Variants in SGK3 observed in about 807,000 individuals in gnomAD.
SGK3 encodes the protein serum/glucocorticoid regulated kinase family member 3.
SGK3 carries 47 observed loss-of-function variants against 68.5 expected under a neutral mutation model. The ratio of observed to expected loss-of-function variants is 0.69; its 90% CI spans 0.54 to 0.87. The LOEUF (loss-of-function observed/expected upper bound fraction) is 0.87, where lower values mean the gene tolerates loss of function less well. Among genes scored for constraint, SGK3 ranks in the 40% least tolerant of loss-of-function variants. The pLI, the probability that SGK3 is intolerant of heterozygous loss-of-function variation, is 0.00. For missense variants in SGK3, 479 were observed against 575.5 expected (o/e 0.83, Z 1.72); for synonymous variants, 181 against 189.1 (o/e 0.96, Z 0.35).
intron 1 of SGK3, among the ~76,000 whole-genome samples, chr8:66,761,764 C>T (rs1189316668): frequency 6.6e-6 from 1 of 151,134 alleles, no homozygotes; most frequent in Non-Finnish European, 1.5e-5. Context: ...GTGAGACTCT[C>T]TCTAAAAAAA....
chr8:66,776,720 T>G (rs1483512878), intron 1 of SGK3, among the ~76,000 whole-genome samples: 2 of 152,242 alleles, frequency 1.3e-5, no homozygotes, highest in Non-Finnish European at 2.9e-5. Flanking sequence ...ATGGCTTTCC[T>G]TTCCAGCACT....
intron 3 of SGK3, among the ~76,000 whole-genome samples, chr8:66,804,133 C>T (rs964457844): frequency 4.6e-5 from 7 of 152,000 alleles, no homozygotes; most frequent in Non-Finnish European, 7.4e-5. Flanking sequence ...GAAAATGAGA[C>T]GCAGATGTTG....
At chr8:66,784,443 A>T (rs1807116523) in intron 1 of SGK3, among the ~76,000 whole-genome samples, 1 of 152,136 alleles carries the variant, frequency 6.6e-6, no homozygotes, top group Non-Finnish European at 1.5e-5. Context: ...ATGGGAAGTG[A>T]TACTTATGAG....
chr8:66,735,199 G>GA (rs1184529078), intron 1 of SGK3, among the ~76,000 whole-genome samples: 1 of 152,206 alleles, frequency 6.6e-6, no homozygotes, highest in East Asian at 1.9e-4. Flanking sequence ...AATGTATCCT[G>GA]AGGATAAGTG....
At chr8:66,852,297 T>C (rs1810325195) in intron 16 of SGK3, among the ~76,000 whole-genome samples, 1 of 147,308 alleles carries the variant, frequency 6.8e-6, no homozygotes, top group African/African-American at 2.5e-5. Flanking sequence ...TTTTTTTTTT[T>C]TTTGAGACAG....
chr8:66,782,058 G>T (rs1021244193), intron 1 of SGK3, among the ~76,000 whole-genome samples: 1 of 152,216 alleles, frequency 6.6e-6, no homozygotes, highest in Non-Finnish European at 1.5e-5. Context: ...CTTTGTTTCT[G>T]TTGAAACATT....
intron 1 of SGK3, among the ~76,000 whole-genome samples, chr8:66,752,385 ATAT>A (rs1481722115): frequency 6.6e-6 from 1 of 152,202 alleles, no homozygotes; most frequent in African/African-American, 2.4e-5. Context: ...TACAGGGCAG[ATAT>A]TATGCTAGGT....
chr8:66,856,303 G>A (rs112316839), intron 16 of SGK3, among the ~76,000 whole-genome samples: 5 of 152,222 alleles, frequency 3.3e-5, no homozygotes, highest in African/African-American at 9.6e-5. Context: ...TCCTGACCTT[G>A]TGATCCGCCT....
chr8:66,759,072 C>CTTTT (rs1383510742), intron 1 of SGK3, among the ~76,000 whole-genome samples: 1 of 139,456 alleles, frequency 7.2e-6, no homozygotes, highest in African/African-American at 3.0e-5. Context: ...TTTCTTTTTT[C>CTTTT]TTTTCTTCTT....
intron 1 of SGK3, among the ~76,000 whole-genome samples, chr8:66,718,850 C>G (rs2130325854): frequency 6.6e-6 from 1 of 152,120 alleles, no homozygotes; most frequent in South Asian, 2.1e-4. Context: ...TATATATGAC[C>G]AGCTCAAAGA....
At chr8:66,741,560 A>G (rs1805480886) in intron 1 of SGK3, among the ~76,000 whole-genome samples, 1 of 151,694 alleles carries the variant, frequency 6.6e-6, no homozygotes, top group African/African-American at 2.4e-5. Context: ...AAAAAATAAT[A>G]ATAATAATAA....
rs979192763 is a variant in SGK3 at position 66,751,159 on chromosome 8, G to A, written c.-122+38326G>A. On this transcript the variant is annotated intron_variant, in intron 1 of 16. Transcript: ENST00000521198. ...TACTAAAAATACAAAAAAATTAGCC[G>A]GGCGTGGTGGCGGGCGCCTGTAGTC... is the stretch of plus-strand genomic sequence containing the variant. Among the ~76,000 whole-genome samples, 3 of 151,684 alleles carry A rather than the reference G, an allele frequency of 2.0e-5. No individual in the cohort carries two copies. In the East Asian group the frequency reaches 5.8e-4, roughly 30 times the overall value.
intron 1 of SGK3, chr8:66,767,991 G>GATC: frequency 1.3e-6 from 1 of 793,030 alleles, no homozygotes; most frequent in Admixed American, 1.8e-5. Flanking sequence ...TATCAACATA[G>GATC]ATCAGAGTAG....
At chr8:66,841,493 T>C (rs1809795515) in intron 13 of SGK3, among the ~76,000 whole-genome samples, 1 of 152,210 alleles carries the variant, frequency 6.6e-6, no homozygotes, top group South Asian at 2.1e-4. Context: ...AAGTGTTCTT[T>C]CTGTGACTAT....
At chr8:66,795,031 C>G (rs1251850058) in intron 2 of SGK3, among the ~76,000 whole-genome samples, 1 of 152,214 alleles carries the variant, frequency 6.6e-6, no homozygotes, top group African/African-American at 2.4e-5. Context: ...ACATGTCCTT[C>G]ACCTGCTCCT....
intron 1 of SGK3, among the ~76,000 whole-genome samples, chr8:66,738,690 T>C (rs915604613): frequency 2.0e-5 from 3 of 152,000 alleles, no homozygotes; most frequent in African/African-American, 4.8e-5. Context: ...TTCAGTGGTG[T>C]GATCTCAGCT....
chr8:66,752,912 G>T (rs1442434865), intron 1 of SGK3, among the ~76,000 whole-genome samples: 1 of 152,026 alleles, frequency 6.6e-6, no homozygotes. Context: ...ACAGTGGCAT[G>T]ATCATGGCTC....
chr8:66,840,372 CA>C (rs1809751061), intron 12 of SGK3, 125 bp downstream of exon 12: 1 of 988,968 alleles, frequency 1.0e-6, no homozygotes, highest in East Asian at 2.7e-5. Flanking sequence ...CTCAAAATGA[CA>C]AAACGGTAGG....
intron 1 of SGK3, among the ~76,000 whole-genome samples, chr8:66,720,158 A>G (rs1160277164): frequency 1.3e-5 from 2 of 152,242 alleles, no homozygotes; most frequent in Non-Finnish European, 2.9e-5. Flanking sequence ...CCAAATTAAC[A>G]TAAAGCGCAT....
Sources: gnomAD v4.1 joint callset for allele counts (sites outside exome capture counted in the v4.1 genomes callset) on GRCh38, gnomAD v4.1.1 for gene constraint, MANE v1.5 for transcripts, NCBI Gene and HGNC (gene_info 2026-07-23, HGNC 2026-07-21) for gene names.